The following LRRC36 variants were observed in gnomAD, a reference collection of about 807,000 sequenced individuals.
LRRC36 encodes the protein leucine rich repeat containing 36.
In LRRC36, 62 loss-of-function variants were observed where a neutral mutation model predicts 81.1. That is an observed-to-expected ratio of 0.76 (90% CI 0.62 to 0.94). The LOEUF (loss-of-function observed/expected upper bound fraction) is 0.94. LRRC36 is among the 40% of genes least tolerant of loss of function. The pLI is 0.00. For synonymous variants in LRRC36, 334 were observed against 348.6 expected, an observed-to-expected ratio of 0.96 and a Z score of 0.47; for missense variants, 761 against 881.7, an observed-to-expected ratio of 0.86 and a Z score of 1.73.
At chr16:67,327,159 AGAG>A (rs2037226004) in intron 1 of LRRC36, 2 of 457,522 alleles carry the variant, frequency 4.4e-6, no homozygotes, top group East Asian at 7.2e-5. Flanking sequence ...AGGAATTGAG[AGAG>A]AAGAGGGGAG....
At chr16:67,330,141 T>C (rs1238690277) in intron 1 of LRRC36, among the ~76,000 whole-genome samples, 1 of 152,140 alleles carries the variant, frequency 6.6e-6, no homozygotes, top group African/African-American at 2.4e-5. Context: ...TTCCTATGAA[T>C]TGGTAGTTAG....
At chr16:67,345,348 T>G (rs1017535730) in intron 2 of LRRC36, among the ~76,000 whole-genome samples, 8 of 151,152 alleles carry the variant, frequency 5.3e-5, no homozygotes, top group Non-Finnish European at 1.2e-4. Flanking sequence ...ATTATACATA[T>G]GTACATGTTT....
rs577879609 is a variant in LRRC36, at chr16:67,377,464, T to G, written c.1806+592T>G. On this transcript the variant is annotated intron_variant, in intron 11 of 13. Transcript: ENST00000329956. ...TTCCTGCCTCAGCCTCCCAAGTAGCTGGGATTACAGGTGCCCACCACCATG... is the reference window on the plus strand; with the variant it reads ...TTCCTGCCTCAGCCTCCCAAGTAGCGGGGATTACAGGTGCCCACCACCATG... Among the ~76,000 whole-genome samples, 37 of 152,178 alleles carry G rather than the reference T, an allele frequency of 2.4e-4. 1 individual carries two copies. The highest frequency in any genetic ancestry group is 8.7e-4 in the African/African-American group (36 of 41,520).
intron 2 of LRRC36, among the ~76,000 whole-genome samples, chr16:67,344,955 A>G (rs901088455): frequency 3.3e-5 from 5 of 152,154 alleles, no homozygotes; most frequent in South Asian, 2.1e-4. Context: ...ATAATTCTCA[A>G]TGACAGAATT....
At chr16:67,377,998 AG>A (rs2039969893) in intron 11 of LRRC36, among the ~76,000 whole-genome samples, 3 of 152,188 alleles carry the variant, frequency 2.0e-5, no homozygotes, top group Admixed American at 2.0e-4. Flanking sequence ...AACTTTAGAT[AG>A]ATCACTAAGA....
At chr16:67,368,672 A>G (rs1273332992) in intron 8 of LRRC36, among the ~76,000 whole-genome samples, 1 of 152,228 alleles carries the variant, frequency 6.6e-6, no homozygotes, top group Non-Finnish European at 1.5e-5. Flanking sequence ...GATCTCACTT[A>G]AGAATTACTG....
At chr16:67,354,796 G>A (rs180685376) in intron 5 of LRRC36, among the ~76,000 whole-genome samples, 3 of 152,190 alleles carry the variant, frequency 2.0e-5, no homozygotes, top group African/African-American at 4.8e-5. Flanking sequence ...ATTAGGTTTC[G>A]TTCTTGGTGT....
rs755689503 is a variant in LRRC36 at position 67,378,593 on chromosome 16, G to A, written c.1811G>A (p.Ser604Asn). The change falls in exon 12 of 14, where the codon AGT becomes AAT. Residue 604 changes from serine to asparagine, a missense_variant. Ser to Asn is a conservative substitution (Grantham distance 46, BLOSUM62 1). Coordinates refer to ENST00000329956, the MANE Select transcript of LRRC36 (RefSeq NM_018296.6). ...AAQLVPNDME[S>N]LKQKLVRVLE... ...ATTTTGTTTTCTAATCTAAAGGAAA[G>A]TTTGAAGCAAAAACTGGTCAGAGTG... 11 of 1,613,766 alleles carry A rather than the reference G, an allele frequency of 6.8e-6. No homozygotes were observed. The highest frequency in any genetic ancestry group is 7.6e-6 in the Non-Finnish European group (9 of 1,179,822).
Position 67,365,124 on chromosome 16 carries a change from C to T in LRRC36, c.703-180C>T, listed in dbSNP as rs2039323847. On this transcript the variant is annotated intron_variant, in intron 6 of 13. Coordinates refer to ENST00000329956, the MANE Select transcript of LRRC36 (RefSeq NM_018296.6). ...GATATTCAAGCAACTCTGGAATCTC[C>T]TTGTATTGTGACTGTTTTAAAATAG... is the stretch of plus-strand genomic sequence containing the variant. 1.2e-5 allele frequency: 7 copies of T among 560,908 alleles called. No individual in the cohort carries two copies. In the East Asian group the frequency reaches 2.0e-4, roughly 16 times the overall value. The allele number at this position is 560,908 out of a possible 1,614,324, so 34.7% of individuals were successfully genotyped here.
At chr16:67,373,707 C>CA (rs552146686) in intron 9 of LRRC36, among the ~76,000 whole-genome samples, 955 of 33,404 alleles carry the variant, frequency 0.029, 2 homozygotes, top group Non-Finnish European at 0.051. Context: ...GACTCTGTCT[C>CA]AAAAAAAAAA....
At chr16:67,384,447 T>C (rs1269536813) in intron 13 of LRRC36, among the ~76,000 whole-genome samples, 1 of 151,888 alleles carries the variant, frequency 6.6e-6, no homozygotes, top group Non-Finnish European at 1.5e-5. Context: ...AAAAAAAAAT[T>C]AGATGGTAAT....
At chr16:67,362,119 C>A in intron 5 of LRRC36, 1 of 379,284 alleles carries the variant, frequency 2.6e-6, no homozygotes, top group South Asian at 1.8e-5. Context: ...AAAAACAAAT[C>A]TCACACAAAA....
At chr16:67,359,017 TA>T (rs34073596) in intron 5 of LRRC36, among the ~76,000 whole-genome samples, 1 of 152,120 alleles carries the variant, frequency 6.6e-6, no homozygotes, top group Admixed American at 6.5e-5. Context: ...AAAGTTGCTA[TA>T]AAAAAAGCAA....
chr16:67,361,859 G>T (rs1427379465), intron 5 of LRRC36, among the ~76,000 whole-genome samples: 2 of 152,112 alleles, frequency 1.3e-5, no homozygotes, highest in Admixed American at 1.3e-4. Flanking sequence ...GAGCCACCAT[G>T]CCTGGCCCTA....
At chr16:67,342,202 C>A in intron 2 of LRRC36, 118 bp downstream of exon 2, 2 of 571,310 alleles carry the variant, frequency 3.5e-6, no homozygotes, top group South Asian at 6.2e-5. Flanking sequence ...AAATGATTCC[C>A]AACTAAATTT....
intron 12 of LRRC36, among the ~76,000 whole-genome samples, chr16:67,380,885 A>G (rs1049945232): frequency 1.3e-5 from 2 of 152,200 alleles, no homozygotes; most frequent in Non-Finnish European, 2.9e-5. Context: ...GACCTACTGC[A>G]TTAAAATCTA....
intron 8 of LRRC36, among the ~76,000 whole-genome samples, chr16:67,368,366 C>T (rs910297255): frequency 5.3e-5 from 8 of 152,210 alleles, no homozygotes; most frequent in East Asian, 1.9e-4. Flanking sequence ...AAGGAGGAGG[C>T]GATGCTTTAG....
At chr16:67,375,941 TC>T (rs2039874525) in intron 10 of LRRC36, among the ~76,000 whole-genome samples, 1 of 152,248 alleles carries the variant, frequency 6.6e-6, no homozygotes, top group Admixed American at 6.5e-5. Context: ...TTCTTTTTGA[TC>T]CTTAACATGT....
At chr16:67,337,640 G>A (rs956051395) in intron 1 of LRRC36, among the ~76,000 whole-genome samples, 5 of 151,830 alleles carry the variant, frequency 3.3e-5, no homozygotes, top group African/African-American at 4.8e-5. Context: ...GATTACAGGC[G>A]TGAGCCACCA....
Sources: allele counts gnomAD v4.1 joint callset (sites outside exome capture counted in the v4.1 genomes callset), GRCh38; gene constraint gnomAD v4.1.1; transcripts MANE v1.5; gene names NCBI Gene and HGNC (gene_info 2026-07-23, HGNC 2026-07-21).